PDE1A: variants seen among roughly 807,000 people sequenced by gnomAD.
PDE1A encodes the protein phosphodiesterase 1A, also known as dual specificity calcium/calmodulin-dependent 3',5'-cyclic nucleotide phosphodiesterase 1A.
A neutral mutation model predicts 61.7 loss-of-function variants in PDE1A; 35 were observed. The ratio of observed to expected loss-of-function variants is 0.57; its 90% CI spans 0.43 to 0.75. PDE1A has a LOEUF of 0.75. Ranked by LOEUF, PDE1A falls within the 30% of genes least tolerant of loss-of-function variation. The probability of loss-of-function intolerance (pLI) is 0.00; values close to 1 mark genes in which losing one functional copy is unlikely to be tolerated. For missense variants in PDE1A, 597 were observed against 630.6 expected, an observed-to-expected ratio of 0.95 and a Z score of 0.57; for synonymous variants, 232 against 213.2, an observed-to-expected ratio of 1.09 and a Z score of -0.77.
the PDE1A span, among the ~76,000 whole-genome samples, chr2:182,685,804 C>T: frequency 6.6e-6 from 1 of 152,208 alleles, no homozygotes; most frequent in African/African-American, 2.4e-5. Flanking sequence ...ACCTTCCTCC[C>T]CATCTTATGT....
At chr2:182,523,521 A>C (rs1044564688), upstream of PDE1A, among the ~76,000 whole-genome samples, 4 of 152,190 alleles carry the variant, frequency 2.6e-5, no homozygotes, top group African/African-American at 9.7e-5. Context: ...ATATACTTAT[A>C]AACAATATTT....
At chr2:182,336,960 CTTTTTTTT>C (rs71008221) in intron 1 of PDE1A, among the ~76,000 whole-genome samples, 51,211 of 146,036 alleles carry the variant, frequency 0.35, 10,665 homozygotes, top group Non-Finnish European at 0.45. Flanking sequence ...ACATGTATCC[CTTTTTTTT>C]TTTTTTTTAA....
chr2:182,190,393 A>C (rs1014123246), intron 10 of PDE1A, among the ~76,000 whole-genome samples: 80 of 152,306 alleles, frequency 5.3e-4, no homozygotes, highest in African/African-American at 1.9e-3. Flanking sequence ...GATGGAAGGG[A>C]ATTATTAATG....
intron 1 of PDE1A, among the ~76,000 whole-genome samples, chr2:182,318,767 A>G (rs1696509905): frequency 6.6e-6 from 1 of 152,142 alleles, no homozygotes; most frequent in African/African-American, 2.4e-5. Flanking sequence ...TTTGCAGAAC[A>G]CTAGTGGTCC....
chr2:182,300,111 TAAGA>T (rs901048000), intron 1 of PDE1A, among the ~76,000 whole-genome samples: 2 of 152,150 alleles, frequency 1.3e-5, no homozygotes, highest in African/African-American at 2.4e-5. Context: ...AATCCAGCAC[TAAGA>T]AAGAAACATG....
chr2:182,555,161 C>T, the PDE1A span, among the ~76,000 whole-genome samples: 1 of 152,188 alleles, frequency 6.6e-6, no homozygotes. Flanking sequence ...GACTTCAGAG[C>T]TTTCTGTTGA....
At chr2:182,509,561 C>T (rs989254960) in intron 2 of PDE1A, among the ~76,000 whole-genome samples, 1 of 152,182 alleles carries the variant, frequency 6.6e-6, no homozygotes, top group African/African-American at 2.4e-5. Context: ...CCTCCCCTTA[C>T]TAAATGTGAA....
chr2:182,374,428 TTGAG>T (rs1433624969), intron 1 of PDE1A, among the ~76,000 whole-genome samples: 1 of 152,068 alleles, frequency 6.6e-6, no homozygotes, highest in African/African-American at 2.4e-5. Context: ...CAAAAATTTC[TTGAG>T]ACACAAAAAT....
chr2:182,531,893 C>A, the PDE1A span, among the ~76,000 whole-genome samples: 43 of 152,234 alleles, frequency 2.8e-4, no homozygotes, highest in African/African-American at 9.9e-4. Flanking sequence ...ATGTTCCCCG[C>A]CCTGTGTCCA....
At chr2:182,533,018 A>G in the PDE1A span, among the ~76,000 whole-genome samples, 2 of 149,588 alleles carry the variant, frequency 1.3e-5, no homozygotes, top group Non-Finnish European at 3.0e-5. Flanking sequence ...TAAAGTTGTT[A>G]AAAAGCAAAG....
At chr2:182,568,946 A>G in the PDE1A span, among the ~76,000 whole-genome samples, 1 of 152,042 alleles carries the variant, frequency 6.6e-6, no homozygotes. Flanking sequence ...AAAAATAATA[A>G]TAATAATATT....
At chr2:182,363,277 T>C (rs779812505) in intron 1 of PDE1A, among the ~76,000 whole-genome samples, 2 of 151,980 alleles carry the variant, frequency 1.3e-5, no homozygotes, top group Non-Finnish European at 2.9e-5. Context: ...ATAACATGCA[T>C]ATATGTTCCT....
chr2:182,337,835 A>G (rs1048578257), intron 1 of PDE1A, among the ~76,000 whole-genome samples: 4 of 152,214 alleles, frequency 2.6e-5, no homozygotes, highest in African/African-American at 9.7e-5. Flanking sequence ...AAAAAAAAAG[A>G]AAGTGTGATA....
At chr2:182,709,003 A>G in the PDE1A span, among the ~76,000 whole-genome samples, 151,925 of 152,286 alleles carry the variant, frequency 1, 75,782 homozygotes, top group Middle Eastern at 1. Context: ...GGAACCACAG[A>G]TTATGTTCCT....
intron 7 of PDE1A, among the ~76,000 whole-genome samples, chr2:182,210,890 G>A (rs1351331166): frequency 1.7e-5 from 2 of 117,748 alleles, no homozygotes; most frequent in Non-Finnish European, 3.5e-5. Context: ...CCTGAGGCTG[G>A]GTAATTTATC....
chr2:182,662,254 G>C, the PDE1A span, among the ~76,000 whole-genome samples: 1 of 142,854 alleles, frequency 7.0e-6, no homozygotes, highest in Non-Finnish European at 1.5e-5. Context: ...TTAATAACTG[G>C]TTTTCCAGTT....
chr2:182,438,823 T>C (rs377313613), intron 2 of PDE1A, among the ~76,000 whole-genome samples: 49 of 152,152 alleles, frequency 3.2e-4, no homozygotes, highest in African/African-American at 1.1e-3. Flanking sequence ...ACTAGTGGGC[T>C]ACTATCAGAG....
intron 2 of PDE1A, among the ~76,000 whole-genome samples, chr2:182,249,937 A>C (rs2217614): frequency 0.73 from 110,646 of 151,994 alleles, 41,027 homozygotes; most frequent in African/African-American, 0.88. Context: ...ATTATTATTG[A>C]TACTTCTATT....
At chr2:182,440,963 C>T (rs1229883175) in intron 2 of PDE1A, among the ~76,000 whole-genome samples, 1 of 151,988 alleles carries the variant, frequency 6.6e-6, no homozygotes, top group Non-Finnish European at 1.5e-5. Flanking sequence ...GTGTACTAGT[C>T]CATTCTCATG....
Sources: gnomAD v4.1 joint callset for allele counts (sites outside exome capture counted in the v4.1 genomes callset) on GRCh38, gnomAD v4.1.1 for gene constraint, MANE v1.5 for transcripts, NCBI Gene and HGNC (gene_info 2026-07-23, HGNC 2026-07-21) for gene names.